Variants in MAF observed in about 807,000 individuals in gnomAD.
MAF encodes the protein transcription factor Maf.
MAF carries 10 observed loss-of-function variants against 22.0 expected under a neutral mutation model. The ratio of observed to expected loss-of-function variants is 0.45; its 90% CI spans 0.28 to 0.77. MAF has a LOEUF of 0.77. Ranked by LOEUF, MAF falls within the 30% of genes least tolerant of loss-of-function variation. The pLI is 0.12. For synonymous variants in MAF, 337 were observed against 255.8 expected (o/e 1.32, Z -3.03); for missense variants, 544 against 548.4 (o/e 0.99, Z 0.08).
the MAF span, among the ~76,000 whole-genome samples, chr16:79,546,298 AT>A: frequency 0.57 from 86,062 of 150,728 alleles, 24,687 homozygotes; most frequent in Middle Eastern, 0.6. Flanking sequence ...CAATAAGAGA[AT>A]TTTTTTTTTT....
At chr16:79,530,586 T>A in the MAF span, among the ~76,000 whole-genome samples, 3 of 152,234 alleles carry the variant, frequency 2.0e-5, no homozygotes, top group African/African-American at 7.2e-5. Context: ...AATGAATATA[T>A]ATATTTGTGC....
At chr16:79,548,378 T>C in the MAF span, among the ~76,000 whole-genome samples, 2 of 152,206 alleles carry the variant, frequency 1.3e-5, no homozygotes, top group African/African-American at 2.4e-5. Flanking sequence ...TAAAATCCAA[T>C]TGTGTAATGA....
At chr16:79,541,705 C>T in the MAF span, among the ~76,000 whole-genome samples, 1 of 143,920 alleles carries the variant, frequency 6.9e-6, no homozygotes, top group Non-Finnish European at 1.5e-5. Flanking sequence ...CAGTCTGCTG[C>T]CCAGGCTGGA....
At chr16:79,274,979 A>G in the MAF span, among the ~76,000 whole-genome samples, 1 of 152,218 alleles carries the variant, frequency 6.6e-6, no homozygotes, top group Non-Finnish European at 1.5e-5. Flanking sequence ...ATTGCATGGT[A>G]GTGACCTTAA....
the MAF span, among the ~76,000 whole-genome samples, chr16:79,460,144 T>G: frequency 5.9e-5 from 9 of 151,794 alleles, no homozygotes; most frequent in Admixed American, 5.9e-4. Flanking sequence ...GTTGCAAATA[T>G]TTTCTGTTTA....
chr16:79,504,483 G>T, the MAF span, among the ~76,000 whole-genome samples: 3 of 152,096 alleles, frequency 2.0e-5, no homozygotes, highest in Non-Finnish European at 4.4e-5. Context: ...TATCTTATTG[G>T]GATTTCTCTG....
At chr16:79,499,934 C>T in the MAF span, among the ~76,000 whole-genome samples, 1 of 152,078 alleles carries the variant, frequency 6.6e-6, no homozygotes, top group Non-Finnish European at 1.5e-5. Context: ...TCTGGTTGAC[C>T]ATAAATGCAG....
chr16:79,385,480 C>T, the MAF span, among the ~76,000 whole-genome samples: 4 of 152,098 alleles, frequency 2.6e-5, no homozygotes, highest in East Asian at 1.9e-4. Flanking sequence ...GGGTTGAAAG[C>T]GAAATAAAAA....
chr16:79,203,104 A>G, the MAF span: 4 of 152,208 alleles, frequency 2.6e-5, no homozygotes, highest in African/African-American at 9.6e-5. Context: ...TTTCCTACTA[A>G]CTAGCAACAC....
the MAF span, among the ~76,000 whole-genome samples, chr16:79,338,211 C>T: frequency 6.6e-6 from 1 of 152,258 alleles, no homozygotes; most frequent in African/African-American, 2.4e-5. Flanking sequence ...CAGGGGAACC[C>T]ATGATACGTG....
the MAF span, among the ~76,000 whole-genome samples, chr16:79,550,430 C>T: frequency 6.6e-6 from 1 of 152,058 alleles, no homozygotes; most frequent in South Asian, 2.1e-4. Flanking sequence ...GTCAAGTCAG[C>T]TGAGTCTCCA....
At chr16:79,529,645 TATGG>T in the MAF span, among the ~76,000 whole-genome samples, 1 of 152,152 alleles carries the variant, frequency 6.6e-6, no homozygotes, top group African/African-American at 2.4e-5. Flanking sequence ...TAGTTGGAAG[TATGG>T]ATACAAAGCA....
the MAF span, among the ~76,000 whole-genome samples, chr16:79,297,769 A>T: frequency 6.6e-6 from 1 of 152,306 alleles, no homozygotes; most frequent in East Asian, 1.9e-4. Flanking sequence ...GCTGCGTGCC[A>T]TTGGCTTCTC....
At chr16:79,385,773 C>A in the MAF span, among the ~76,000 whole-genome samples, 1 of 152,116 alleles carries the variant, frequency 6.6e-6, no homozygotes, top group East Asian at 1.9e-4. Context: ...TGGTAGTACA[C>A]GCCTGTAATC....
chr16:79,513,908 C>T, the MAF span, among the ~76,000 whole-genome samples: 1 of 152,178 alleles, frequency 6.6e-6, no homozygotes, highest in African/African-American at 2.4e-5. Flanking sequence ...CACTGAATAT[C>T]TCCGATGCAA....
the MAF span, among the ~76,000 whole-genome samples, chr16:79,400,736 AC>A: frequency 1.3e-5 from 2 of 152,228 alleles, no homozygotes; most frequent in Non-Finnish European, 2.9e-5. Context: ...GAGACCCTAT[AC>A]CCGGAGGCAG....
the MAF span, among the ~76,000 whole-genome samples, chr16:79,269,706 C>T: frequency 2.0e-5 from 3 of 152,110 alleles, no homozygotes; most frequent in Non-Finnish European, 2.9e-5. Context: ...ACTTCAAGGT[C>T]GGGGGCTGTC....
the MAF span, among the ~76,000 whole-genome samples, chr16:79,400,175 C>T: frequency 6.6e-6 from 1 of 152,188 alleles, no homozygotes; most frequent in Non-Finnish European, 1.5e-5. Context: ...CTACAATACA[C>T]AGGGCAGACC....
At chr16:79,370,095 G>C in the MAF span, among the ~76,000 whole-genome samples, 1 of 152,114 alleles carries the variant, frequency 6.6e-6, no homozygotes, top group African/African-American at 2.4e-5. Flanking sequence ...AGTAGGCAAA[G>C]GATGTTTCTC....
Sources: allele counts gnomAD v4.1 joint callset (sites outside exome capture counted in the v4.1 genomes callset), GRCh38; gene constraint gnomAD v4.1.1; transcripts MANE v1.5; gene names NCBI Gene and HGNC (gene_info 2026-07-23, HGNC 2026-07-21).